The following BCL2L1 variants were observed in gnomAD, a reference collection of about 807,000 sequenced individuals.
BCL2L1 encodes the protein bcl-2-like protein 1.
Under a neutral mutation model 18.7 loss-of-function variants are expected in BCL2L1, and 1 was observed. The observed-to-expected ratio is 0.05, with a 90% CI of 0.02 to 0.25. The LOEUF is 0.25. Ranked by LOEUF, BCL2L1 falls within the 10% of genes least tolerant of loss-of-function variation. BCL2L1 has a pLI of 1.00. For missense variants in BCL2L1, 207 were observed against 304.9 expected, an observed-to-expected ratio of 0.68 and a Z score of 2.39; for synonymous variants, 103 against 122.7, an observed-to-expected ratio of 0.84 and a Z score of 1.06.
At position 31,684,766 on chromosome 20, in the gene BCL2L1, C is replaced by T. The variant is rs992964334; in HGVS notation, c.565-18680G>A. ...TCCCATCTTTGAGGGGCTTAGTGAA[C>T]ACGGCTACAGGTGCAGGGGTGAAGC... On this transcript the variant is annotated intron_variant, in intron 2 of 2. Coordinates refer to ENST00000307677, the MANE Select transcript of BCL2L1 (RefSeq NM_138578.3). 3.9e-5 allele frequency among the ~76,000 whole-genome samples: 6 copies of T among 152,300 alleles called. No individual in the cohort carries two copies. The South Asian group carries it at 1.0e-3, about 26-fold the overall frequency.
chr20:31,707,778 C>CA (rs553742099), intron 2 of BCL2L1, among the ~76,000 whole-genome samples: 1,971 of 60,356 alleles, frequency 0.033, 22 homozygotes, highest in South Asian at 0.14. Flanking sequence ...AACTCTGTCT[C>CA]AAAAAAAAAA....
chr20:31,681,257 G>A (rs77130187), intron 2 of BCL2L1, among the ~76,000 whole-genome samples: 23,187 of 151,624 alleles, frequency 0.15, 2,433 homozygotes, highest in Non-Finnish European at 0.21. Context: ...GAGATCTCCA[G>A]GGGTCTGGTG....
intron 2 of BCL2L1, among the ~76,000 whole-genome samples, chr20:31,709,341 G>A (rs975782878): frequency 2.0e-5 from 3 of 152,050 alleles, no homozygotes; most frequent in Admixed American, 6.5e-5. Context: ...GCGCGTGCAC[G>A]CGTGTGTAAC....
chr20:31,676,885 T>C lies in BCL2L1; in HGVS notation c.565-10799A>G, dbSNP rs1429460674. ...GACATTTCATCTTCGGACAGCCCCG[T>C]TGGAAAACTCTTCCCTGTCAGGGAG... On this transcript the variant is annotated intron_variant, in intron 2 of 2. Coordinates refer to ENST00000307677, the MANE Select transcript of BCL2L1 (RefSeq NM_138578.3). Among the ~76,000 whole-genome samples the C allele has an allele frequency of 2.0e-5, 3 of 152,198 alleles. No homozygotes were observed. The East Asian group carries it at 5.8e-4, about 29-fold the overall frequency.
chr20:31,700,949 AT>A (rs1048143374), intron 2 of BCL2L1, among the ~76,000 whole-genome samples: 6 of 152,134 alleles, frequency 3.9e-5, no homozygotes, highest in Admixed American at 3.9e-4. Context: ...AAAAGAGGAG[AT>A]CGTGTTGCCT....
intron 2 of BCL2L1, among the ~76,000 whole-genome samples, chr20:31,670,293 A>C (rs1262878118): frequency 6.6e-6 from 1 of 152,214 alleles, no homozygotes. Context: ...GTGGAGTCAC[A>C]AAATAGGCTT....
At chr20:31,682,780 C>T (rs2060886426) in intron 2 of BCL2L1, among the ~76,000 whole-genome samples, 1 of 152,120 alleles carries the variant, frequency 6.6e-6, no homozygotes, top group Non-Finnish European at 1.5e-5. Flanking sequence ...TATCAATTTA[C>T]TTACTTTTTA....
chr20:31,675,456 G>C (rs1265523511), intron 2 of BCL2L1, among the ~76,000 whole-genome samples: 1 of 152,318 alleles, frequency 6.6e-6, no homozygotes, highest in Middle Eastern at 3.4e-3. Context: ...TAGGGCAAAC[G>C]GAGAGGCCTT....
chr20:31,714,185 G>A (rs921015601), intron 2 of BCL2L1, among the ~76,000 whole-genome samples: 5 of 152,312 alleles, frequency 3.3e-5, no homozygotes, highest in Admixed American at 1.3e-4. Flanking sequence ...GGTGGAATCC[G>A]CCACAAGGCC....
At chr20:31,667,884 AG>A (rs1327240618) in intron 2 of BCL2L1, among the ~76,000 whole-genome samples, 1 of 152,186 alleles carries the variant, frequency 6.6e-6, no homozygotes, top group Non-Finnish European at 1.5e-5. Context: ...ACATTAAGGC[AG>A]TAGAGAGCAG....
intron 2 of BCL2L1, among the ~76,000 whole-genome samples, chr20:31,671,954 C>G (rs968936067): frequency 3.9e-4 from 56 of 142,448 alleles, no homozygotes; most frequent in Non-Finnish European, 6.0e-4. Flanking sequence ...ATATCTATAT[C>G]TATATATACT....
chr20:31,693,026 G>A (rs905951194), intron 2 of BCL2L1, among the ~76,000 whole-genome samples: 3 of 145,016 alleles, frequency 2.1e-5, no homozygotes, highest in African/African-American at 7.7e-5. Flanking sequence ...AGCTGAGGTC[G>A]CACCATAGCA....
intron 2 of BCL2L1, among the ~76,000 whole-genome samples, chr20:31,715,345 C>T (rs562559506): frequency 5.9e-5 from 9 of 151,990 alleles, no homozygotes; most frequent in East Asian, 1.9e-4. Flanking sequence ...ATGCTGTATG[C>T]GATCTGGCCC....
rs907379755 is a variant in BCL2L1, at chr20:31,722,355, GA to G, written c.-130-8del. 2.3e-4 allele frequency: 138 copies of G among 599,558 alleles called. No homozygotes were observed. The highest frequency in any genetic ancestry group is 4.7e-4 in the South Asian group (9 of 19,098). 37.1% of individuals were successfully genotyped at this position (599,558 alleles called of 1,614,324 possible). A position where few individuals can be genotyped will look rare whatever the true frequency, so the allele number is the denominator to read the frequency against. On this transcript the variant is annotated splice_polypyrimidine_tract_variant and splice_region_variant and intron_variant, in intron 1 of 2. Coordinates refer to ENST00000307677, the MANE Select transcript of BCL2L1 (RefSeq NM_138578.3). ...TCTGAAGGGAGAGAAAGAGCTTCAG[GA>G]AAAAAAAATAATTAATATGCATGCC...
At chr20:31,666,809 G>A (rs1027893162) in intron 2 of BCL2L1, among the ~76,000 whole-genome samples, 3 of 152,112 alleles carry the variant, frequency 2.0e-5, no homozygotes, top group African/African-American at 7.2e-5. Context: ...ACTGCAGGGG[G>A]TGTGACTCTG....
At chr20:31,670,026 G>C (rs2060643479) in intron 2 of BCL2L1, among the ~76,000 whole-genome samples, 1 of 152,204 alleles carries the variant, frequency 6.6e-6, no homozygotes, top group African/African-American at 2.4e-5. Flanking sequence ...GCTTCAAAGG[G>C]AGGGCTGCTA....
chr20:31,706,728 G>A (rs2061373879), intron 2 of BCL2L1, among the ~76,000 whole-genome samples: 4 of 152,248 alleles, frequency 2.6e-5, no homozygotes, highest in Admixed American at 2.6e-4. Context: ...TTGACTGAAT[G>A]AATGAATGAA....
intron 2 of BCL2L1, among the ~76,000 whole-genome samples, chr20:31,692,933 G>A (rs2061101869): frequency 6.6e-6 from 1 of 151,230 alleles, no homozygotes; most frequent in Non-Finnish European, 1.5e-5. Flanking sequence ...TTAGTCAGGT[G>A]TGGTGGCGTG....
intron 2 of BCL2L1, among the ~76,000 whole-genome samples, chr20:31,680,545 G>A (rs141559732): frequency 2.0e-5 from 3 of 152,318 alleles, no homozygotes; most frequent in Admixed American, 6.5e-5. Flanking sequence ...GTGATGCCAC[G>A]TAGCTTTGGT....
Sources: gnomAD v4.1 joint callset for allele counts (sites outside exome capture counted in the v4.1 genomes callset) on GRCh38, gnomAD v4.1.1 for gene constraint, MANE v1.5 for transcripts, NCBI Gene and HGNC (gene_info 2026-07-23, HGNC 2026-07-21) for gene names.